SNAPC3: variants seen among roughly 807,000 people sequenced by gnomAD.
SNAPC3 encodes snRNA-activating protein complex subunit 3.
SNAPC3 carries 56 observed loss-of-function variants against 47.7 expected under a neutral mutation model. The ratio of observed to expected loss-of-function variants is 1.18; its 90% CI spans 0.95 to 1.47. The LOEUF is 1.47. Ranked by LOEUF, SNAPC3 falls within the 40% of genes most tolerant of loss-of-function variation. The pLI, the probability that SNAPC3 is intolerant of heterozygous loss-of-function variation, is 0.00. For synonymous variants in SNAPC3, 235 were observed against 189.9 expected, an observed-to-expected ratio of 1.24 and a Z score of -1.95; for missense variants, 665 against 511.3, an observed-to-expected ratio of 1.30 and a Z score of -2.90.
At chr9:15,427,635 C>G (rs995162256) in intron 2 of SNAPC3, among the ~76,000 whole-genome samples, 1 of 151,990 alleles carries the variant, frequency 6.6e-6, no homozygotes, top group Non-Finnish European at 1.5e-5. Flanking sequence ...GCGTGAGCCA[C>G]GACGCCCAGC....
chr9:15,446,084 G>A (rs2033907363), intron 4 of SNAPC3, among the ~76,000 whole-genome samples: 1 of 152,170 alleles, frequency 6.6e-6, no homozygotes, highest in African/African-American at 2.4e-5. Flanking sequence ...TTTTAAGACA[G>A]TCTTGCTAAA....
chr9:15,423,404 C>T (rs957195402), intron 1 of SNAPC3, among the ~76,000 whole-genome samples: 4 of 152,286 alleles, frequency 2.6e-5, no homozygotes, highest in Admixed American at 2.6e-4. Flanking sequence ...CGAGTTGGAG[C>T]AAAGGGACAA....
chr9:15,456,895 A>G (rs374620400), intron 7 of SNAPC3, among the ~76,000 whole-genome samples: 9 of 152,198 alleles, frequency 5.9e-5, no homozygotes, highest in South Asian at 2.1e-4. Flanking sequence ...CATAATACCA[A>G]CTATCAAAAG....
intron 6 of SNAPC3, among the ~76,000 whole-genome samples, chr9:15,452,005 C>G (rs191931130): frequency 3.3e-5 from 5 of 152,118 alleles, no homozygotes; most frequent in Middle Eastern, 3.2e-3. Flanking sequence ...GTTCTGTCAC[C>G]CAGTCTGGAG....
downstream of SNAPC3, chr9:15,463,904 ACC>A (rs2035425260): frequency 7.4e-6 from 1 of 135,186 alleles, no homozygotes; most frequent in South Asian, 2.2e-4. Context: ...GATAAATATT[ACC>A]TTTATTTTTT....
chr9:15,437,056 C>G (rs759302269), intron 3 of SNAPC3, among the ~76,000 whole-genome samples: 1 of 151,924 alleles, frequency 6.6e-6, no homozygotes, highest in Non-Finnish European at 1.5e-5. Flanking sequence ...AACTCCCAGC[C>G]TCAGGTGATC....
chr9:15,463,844 TA>T (rs2035415381), downstream of SNAPC3: 1 of 152,442 alleles, frequency 6.6e-6, no homozygotes, highest in African/African-American at 2.4e-5. Flanking sequence ...GGCTTCTTTG[TA>T]AAACTATAGA....
rs531512558 is a variant in SNAPC3, at chr9:15,460,939, G to A, written c.*1073G>A. On this transcript the variant is annotated 3_prime_UTR_variant, in exon 9 of 9. Transcript: ENST00000380821. Reference sequence around the variant, plus strand: ...GATTTAAAAAACAATAGCAGATTTCGTATGACTGTGGGGACATGGAAAAAT... The same window carrying A: ...GATTTAAAAAACAATAGCAGATTTCATATGACTGTGGGGACATGGAAAAAT... 3.3e-5 allele frequency: 5 copies of A among 152,076 alleles called. No homozygotes were observed. The highest frequency in any genetic ancestry group is 4.1e-4 in the South Asian group (2 of 4,824). 9.4% of individuals were successfully genotyped at this position (152,076 alleles called of 1,614,324 possible).
chr9:15,426,606 C>T (rs554128452), intron 2 of SNAPC3, among the ~76,000 whole-genome samples: 3 of 152,206 alleles, frequency 2.0e-5, no homozygotes, highest in Non-Finnish European at 2.9e-5. Context: ...GAAAAAAGAA[C>T]GTTGATGATA....
At chr9:15,450,966 A>G (rs954744541) in intron 5 of SNAPC3, among the ~76,000 whole-genome samples, 1 of 152,254 alleles carries the variant, frequency 6.6e-6, no homozygotes, top group Non-Finnish European at 1.5e-5. Flanking sequence ...ATACAAAAAA[A>G]TGCCAGAAAA....
chr9:15,454,920 C>T (rs2131952309), intron 7 of SNAPC3, among the ~76,000 whole-genome samples: 1 of 152,098 alleles, frequency 6.6e-6, no homozygotes, highest in East Asian at 1.9e-4. Flanking sequence ...GGTGACAGAG[C>T]AAGACTCCAT....
intron 2 of SNAPC3, among the ~76,000 whole-genome samples, chr9:15,431,696 T>C (rs2032167884): frequency 6.6e-6 from 1 of 152,074 alleles, no homozygotes; most frequent in Admixed American, 6.6e-5. Context: ...CTTAGGATCA[T>C]AGTAATGTGT....
At chr9:15,431,886 T>C in intron 2 of SNAPC3, 1 of 137,484 alleles carries the variant, frequency 7.3e-6, no homozygotes, top group Non-Finnish European at 1.5e-5. Context: ...AAGCCTGTCT[T>C]TTTTTTTTTT....
chr9:15,458,821 A>G (rs1255593457), intron 8 of SNAPC3, among the ~76,000 whole-genome samples: 2 of 152,186 alleles, frequency 1.3e-5, no homozygotes, highest in Non-Finnish European at 2.9e-5. Flanking sequence ...AGCATTCCAA[A>G]TTTCAAGATC....
At chr9:15,435,603 C>T (rs1053625917) in intron 3 of SNAPC3, among the ~76,000 whole-genome samples, 1 of 151,136 alleles carries the variant, frequency 6.6e-6, no homozygotes, top group East Asian at 2.0e-4. Context: ...TGGTGGCAGG[C>T]GCCTGTAATC....
chr9:15,446,770 G>C (rs573646901), intron 4 of SNAPC3, among the ~76,000 whole-genome samples: 2 of 152,286 alleles, frequency 1.3e-5, no homozygotes, highest in African/African-American at 4.8e-5. Context: ...AATTCCAGTA[G>C]GTTTGGTGGC....
At chr9:15,465,138 T>C (rs1317226792), downstream of SNAPC3, 1 of 234,920 alleles carries the variant, frequency 4.3e-6, no homozygotes, top group East Asian at 6.2e-5. Flanking sequence ...GTAAAAACTA[T>C]GCACAAAACC....
At chr9:15,464,799 A>AGTT (rs982715100), downstream of SNAPC3, 28 of 206,938 alleles carry the variant, frequency 1.4e-4, no homozygotes, top group African/African-American at 5.5e-4. Flanking sequence ...ATACCCAGTC[A>AGTT]GTTGTCTGCA....
downstream of SNAPC3, chr9:15,462,047 A>G (rs535392456): frequency 6.6e-6 from 1 of 152,310 alleles, no homozygotes; most frequent in Admixed American, 6.5e-5. Context: ...CGTTCCTTAT[A>G]GGTCTTACAT....
Sources: allele counts gnomAD v4.1 joint callset (sites outside exome capture counted in the v4.1 genomes callset), GRCh38; gene constraint gnomAD v4.1.1; transcripts MANE v1.5; gene names NCBI Gene and HGNC (gene_info 2026-07-23, HGNC 2026-07-21).